HUNK: variants seen among roughly 807,000 people sequenced by gnomAD.
The protein encoded by HUNK is hormonally up-regulated Neu-associated kinase.
In HUNK, 21 loss-of-function variants were observed where a neutral mutation model predicts 61.0. The ratio of observed to expected loss-of-function variants is 0.34; its 90% CI spans 0.24 to 0.50. HUNK has a LOEUF of 0.50. Ranked by LOEUF, HUNK falls within the 20% of genes least tolerant of loss-of-function variation. The pLI, the probability that HUNK is intolerant of heterozygous loss-of-function variation, is 0.98. For synonymous variants in HUNK, 371 were observed against 386.1 expected (o/e 0.96, Z 0.46); for missense variants, 772 against 945.7 (o/e 0.82, Z 2.41).
chr21:31,904,066 C>A (rs1224921219), intron 1 of HUNK, among the ~76,000 whole-genome samples: 6 of 151,960 alleles, frequency 3.9e-5, no homozygotes, highest in African/African-American at 1.4e-4. Context: ...AGTACCTCTT[C>A]ATGGAGGTAT....
At chr21:31,909,913 C>T (rs758202223) in intron 1 of HUNK, among the ~76,000 whole-genome samples, 56 of 152,256 alleles carry the variant, frequency 3.7e-4, no homozygotes, top group Middle Eastern at 3.4e-3. Flanking sequence ...CAGTTTTCAG[C>T]CCTTTTATGC....
intron 1 of HUNK, among the ~76,000 whole-genome samples, chr21:31,880,602 A>G (rs1356470676): frequency 6.6e-6 from 1 of 152,144 alleles, no homozygotes; most frequent in Non-Finnish European, 1.5e-5. Context: ...TTATAAGGAC[A>G]CCAGTCATGG....
chr21:31,882,543 T>C (rs1382993584), intron 1 of HUNK, among the ~76,000 whole-genome samples: 1 of 152,212 alleles, frequency 6.6e-6, no homozygotes, highest in African/African-American at 2.4e-5. Context: ...TTCTTCTTTA[T>C]TGATACATAA....
chr21:31,910,099 T>G (rs1038812743), intron 1 of HUNK, among the ~76,000 whole-genome samples: 3 of 152,248 alleles, frequency 2.0e-5, no homozygotes, highest in African/African-American at 7.2e-5. Flanking sequence ...CTGTTATTAC[T>G]AATAACCATC....
At chr21:31,918,437 C>G (rs566232713) in intron 1 of HUNK, among the ~76,000 whole-genome samples, 17 of 152,298 alleles carry the variant, frequency 1.1e-4, no homozygotes, top group African/African-American at 3.6e-4. Flanking sequence ...GCTGCTGTAA[C>G]AAATGACCAC....
rs547649666 is a variant in HUNK, at chr21:31,997,910, TTTTTTTTTC to T, written c.1487-599_1487-591del. The stretch of plus-strand genomic sequence containing the variant: ...CAAGATCCTTTGGCAAGGTCCAGAA[TTTTTTTTTC>T]TTTTTTTTCTTTTTTTGAGACAGAG... On this transcript the variant is annotated intron_variant, in intron 10 of 10. Coordinates refer to ENST00000270112, the MANE Select transcript of HUNK (RefSeq NM_014586.2). 1.3e-4 allele frequency among the ~76,000 whole-genome samples: 19 copies of T among 151,654 alleles called. No homozygotes were observed. In the South Asian group the frequency reaches 1.9e-3, roughly 15 times the overall value.
chr21:31,924,118 G>T lies in HUNK; in HGVS notation c.262-350G>T, dbSNP rs1315363261. Among the ~76,000 whole-genome samples, 1 of 152,132 alleles carries T rather than the reference G, an allele frequency of 6.6e-6. No homozygotes were observed. The highest frequency in any genetic ancestry group is 1.5e-5 in the Non-Finnish European group (1 of 68,008). On this transcript the variant is annotated intron_variant, in intron 1 of 10. Transcript: ENST00000270112. This position sits in a 1 kb window ranked among gnomAD's most constrained non-coding sequence, Gnocchi z 5.1. ...CAAGCCCTTTGCTGGAAGAGAAATT[G>T]TTATTTCATCTTCCCATCCTGTAGA...
chr21:31,990,053 G>A, intron 8 of HUNK, 76 bp from the exon 9 acceptor site: 1 of 1,285,060 alleles, frequency 7.8e-7, no homozygotes, highest in Non-Finnish European at 1.1e-6. Flanking sequence ...AGAGCTGCAG[G>A]GCCGTAGGGG....
chr21:31,958,827 A>T lies in HUNK; in HGVS notation c.747-16A>T. 1.3e-6 allele frequency: 2 copies of T among 1,574,500 alleles called. No individual in the cohort carries two copies. Among genetic ancestry groups the T allele is most frequent in the Non-Finnish European group, 1.7e-6 (2 of 1,159,826 alleles). ...GGGACCTGACTCCGCTTTCATGTGT[A>T]TGTCTCTCTTTTCAGAGGTGTGAAC... On this transcript the variant is annotated splice_polypyrimidine_tract_variant and intron_variant, in intron 4 of 10. Coordinates refer to ENST00000270112, the MANE Select transcript of HUNK (RefSeq NM_014586.2).
At chr21:31,892,203 AG>A (rs2052395158) in intron 1 of HUNK, among the ~76,000 whole-genome samples, 1 of 140,932 alleles carries the variant, frequency 7.1e-6, no homozygotes, top group Non-Finnish European at 1.5e-5. Context: ...AGAGAGAGAG[AG>A]AGAGAGTGTG....
intron 1 of HUNK, among the ~76,000 whole-genome samples, chr21:31,919,310 T>C (rs140346349): frequency 1.3e-5 from 2 of 152,168 alleles, no homozygotes; most frequent in Non-Finnish European, 2.9e-5. Flanking sequence ...TCCTTTCACC[T>C]TCAGGAAAGG....
intron 1 of HUNK, among the ~76,000 whole-genome samples, chr21:31,892,209 A>AGAGTGT (rs1310942168): frequency 5.2e-5 from 6 of 114,306 alleles, no homozygotes; most frequent in South Asian, 2.7e-4. Context: ...AGAGAGAGAG[A>AGAGTGT]GTGTGTGTGT....
rs1280623661 is a variant in HUNK at position 31,958,862 on chromosome 21, A to G, written c.766A>G (p.Met256Val). 2 of 1,605,550 alleles carry G rather than the reference A, an allele frequency of 1.2e-6. No individual in the cohort carries two copies. Among genetic ancestry groups the G allele is most frequent in the Non-Finnish European group, 8.5e-7 (1 of 1,176,284 alleles). The change falls in exon 5 of 11, where the codon ATG becomes GTG. Residue 256 changes from methionine (M) to valine (V), a missense_variant. Physicochemically the swap from Met to Val is conservative, Grantham distance 21 (BLOSUM62 1). Transcript: ENST00000270112. Reference protein sequence around the residue: ...VWSIGVNMYAMLTGTLPFTVE... With the variant: ...VWSIGVNMYAVLTGTLPFTVE... ...TTTCAGAGGTGTGAACATGTATGCCATGTTGACCGGGACGCTGCCTTTCAC... is the reference window on the plus strand; with the variant it reads ...TTTCAGAGGTGTGAACATGTATGCCGTGTTGACCGGGACGCTGCCTTTCAC...
intron 1 of HUNK, among the ~76,000 whole-genome samples, chr21:31,879,888 C>T (rs1033565773): frequency 3.0e-4 from 45 of 152,272 alleles, no homozygotes; most frequent in Admixed American, 2.2e-3. Flanking sequence ...AATTGAAACC[C>T]GTAGATAATC....
chr21:31,942,213 A>T (rs959542015), intron 3 of HUNK, among the ~76,000 whole-genome samples: 1 of 152,218 alleles, frequency 6.6e-6, no homozygotes, highest in African/African-American at 2.4e-5. Context: ...CCGTCTCAAA[A>T]AGACTGAGGC....
At chr21:31,884,860 C>T (rs1264103917) in intron 1 of HUNK, among the ~76,000 whole-genome samples, 4 of 151,926 alleles carry the variant, frequency 2.6e-5, no homozygotes, top group Non-Finnish European at 5.9e-5. Flanking sequence ...CTCACTGCAA[C>T]CTCTGCCTTC....
At chr21:31,890,356 G>A (rs909057632) in intron 1 of HUNK, among the ~76,000 whole-genome samples, 13 of 151,938 alleles carry the variant, frequency 8.6e-5, no homozygotes, top group African/African-American at 2.9e-4. Flanking sequence ...AGGCTTCCAA[G>A]TAGCTGGTAT....
Position 31,995,952 on chromosome 21 carries a change from G to T in HUNK, c.1486+4G>T, listed in dbSNP as rs369629181. On this transcript the variant is annotated splice_donor_region_variant and intron_variant, in intron 10 of 10. Transcript: ENST00000270112. ...AAGTCCAGCTTCCCCGACAAAGGTG[G>T]GTCAGCTCTGGGGACTCTCTCAGGC... is the stretch of plus-strand genomic sequence containing the variant. 2 of 1,611,018 alleles carry T rather than the reference G, an allele frequency of 1.2e-6. No homozygotes were observed. Among genetic ancestry groups the T allele is most frequent in the African/African-American group, 2.7e-5 (2 of 74,850 alleles).
intron 1 of HUNK, among the ~76,000 whole-genome samples, chr21:31,895,657 T>A (rs1437093361): frequency 6.6e-6 from 1 of 152,238 alleles, no homozygotes; most frequent in East Asian, 1.9e-4. Flanking sequence ...CATGCCTCAC[T>A]GGTGCCCAGG....
Sources: gnomAD v4.1 joint callset for allele counts (sites outside exome capture counted in the v4.1 genomes callset) on GRCh38, gnomAD v4.1.1 for gene constraint, Gnocchi (gnomAD v3.1) non-coding constraint, MANE v1.5 for transcripts, NCBI Gene and HGNC (gene_info 2026-07-23, HGNC 2026-07-21) for gene names.